Variants in GTF2H5 observed in about 807,000 individuals in gnomAD.
The protein encoded by GTF2H5 is general transcription factor IIH subunit 5, also known as TFB5 ortholog.
In GTF2H5, 5 loss-of-function variants were observed where a neutral mutation model predicts 7.1. The ratio of observed to expected loss-of-function variants is 0.71; its 90% CI spans 0.37 to 1.49. The LOEUF (loss-of-function observed/expected upper bound fraction) is 1.49, where lower values mean the gene tolerates loss of function less well. Among genes scored for constraint, GTF2H5 ranks in the 40% most tolerant of loss-of-function variants. The probability of loss-of-function intolerance (pLI) is 0.03; values close to 1 mark genes in which losing one functional copy is unlikely to be tolerated. For synonymous variants in GTF2H5, 30 were observed against 31.7 expected (o/e 0.95, Z 0.18); for missense variants, 80 against 83.0 (o/e 0.96, Z 0.14).
chr6:158,192,102 A>G lies in GTF2H5; in HGVS notation c.161A>G (p.Gln54Arg). The change falls in exon 3 of 3, where the codon CAG (glutamine) becomes CGG (arginine). Residue 54 changes from glutamine (Q) to arginine (R), a missense_variant. Physicochemically the swap from Gln to Arg is conservative, Grantham distance 43 (BLOSUM62 1). Transcript: ENST00000607778. ...FVIAELVNVLQERVGELMDQN... is the reference protein window; with the variant it reads ...FVIAELVNVLRERVGELMDQN... ...ATAGCAGAATTGGTTAATGTCCTCC[A>G]GGAGCGAGTGGGTGAATTAATGGAC... 1 of 1,613,960 alleles carries G rather than the reference A, an allele frequency of 6.2e-7. No homozygotes were observed. Among genetic ancestry groups the G allele is most frequent in the Non-Finnish European group, 8.5e-7 (1 of 1,179,962 alleles).
At chr6:158,168,501 G>C (rs1278947824) in intron 1 of GTF2H5, 106 bp downstream of exon 1, 1 of 152,354 alleles carries the variant, frequency 6.6e-6, no homozygotes, top group Non-Finnish European at 1.5e-5. Flanking sequence ...CCTGTCCACC[G>C]GGTGCTGGGG....
At chr6:158,190,928 G>A (rs766569410) in intron 2 of GTF2H5, 2 of 517,400 alleles carry the variant, frequency 3.9e-6, no homozygotes, top group African/African-American at 1.9e-5. Context: ...CTGTAAATCT[G>A]TACTGCCCGA....
intron 1 of GTF2H5, among the ~76,000 whole-genome samples, chr6:158,169,580 T>TATATTGTATATTAC (rs1785765216): frequency 2.1e-5 from 1 of 47,998 alleles, no homozygotes; most frequent in African/African-American, 9.5e-5. Context: ...TTGTATATTA[T>TATATTGTATATTAC]ATATAATATA....
intron 2 of GTF2H5, among the ~76,000 whole-genome samples, chr6:158,191,204 G>A (rs1777020058): frequency 6.6e-6 from 1 of 152,100 alleles, no homozygotes. Flanking sequence ...GTTGAATCCA[G>A]GTATGACTCT....
intron 2 of GTF2H5, among the ~76,000 whole-genome samples, chr6:158,184,500 C>G (rs1305486694): frequency 6.6e-6 from 1 of 152,112 alleles, no homozygotes; most frequent in African/African-American, 2.4e-5. Flanking sequence ...TTAATGTCTC[C>G]TATGGTGTCT....
In GTF2H5 at chr6:158,169,548, A is replaced by G. The variant is rs28856390; in HGVS notation, c.-34-922A>G. Among the ~76,000 whole-genome samples, 5 of 94,512 alleles carry G rather than the reference A, an allele frequency of 5.3e-5. No homozygotes were observed. In the South Asian group the frequency reaches 9.5e-4, roughly 18 times the overall value. 62.0% of individuals were successfully genotyped at this position (94,512 alleles called of 152,430 possible). A position where few individuals can be genotyped will look rare whatever the true frequency, so the allele number is the denominator to read the frequency against. ...ATATACAGTATATTATATATAATAT[A>G]CTGTATATTATATATAATATATTGT... On this transcript the variant is annotated intron_variant, in intron 1 of 2. Transcript: ENST00000607778.
intron 2 of GTF2H5, among the ~76,000 whole-genome samples, chr6:158,171,827 A>T (rs1785860353): frequency 6.6e-6 from 1 of 152,176 alleles, no homozygotes; most frequent in Non-Finnish European, 1.5e-5. Context: ...TACGTTGATG[A>T]GAGTAAACCA....
At chr6:158,173,471 C>G (rs1410294618) in intron 2 of GTF2H5, among the ~76,000 whole-genome samples, 1 of 152,114 alleles carries the variant, frequency 6.6e-6, no homozygotes, top group Non-Finnish European at 1.5e-5. Context: ...CCCTCATGTC[C>G]ATATTTGATG....
rs1554267172 is a variant in GTF2H5 at position 158,169,745 on chromosome 6, T to TTG, written c.-34-724_-34-723insGT. On this transcript the variant is annotated intron_variant, in intron 1 of 2. Transcript: ENST00000607778. ...TATATAATATATTGTATATTATATA[T>TTG]TATATAATATATTGTATATTATATA... 7.4e-5 allele frequency among the ~76,000 whole-genome samples: 4 copies of TTG among 54,038 alleles called. 1 individual carries two copies. The highest frequency in any genetic ancestry group is 1.4e-3 in the East Asian group (2 of 1,468). The allele number at this position is 54,038 out of a possible 152,430, so 35.5% of individuals were successfully genotyped here.
rs902912243 is a variant in GTF2H5 at position 158,197,751 on chromosome 6, G to C, written c.*5594G>C. On this transcript the variant is annotated 3_prime_UTR_variant, in exon 3 of 3. Coordinates refer to ENST00000607778, the MANE Select transcript of GTF2H5 (RefSeq NM_207118.3). ...CCTCTCATAAAGCAAGGGCAGTTTA[G>C]CTAGAATTTCTATCAAAAATCATTA... is the stretch of plus-strand genomic sequence containing the variant. 3 of 152,128 alleles carry C rather than the reference G, an allele frequency of 2.0e-5. No individual in the cohort carries two copies. Among genetic ancestry groups the C allele is most frequent in the Non-Finnish European group, 4.4e-5 (3 of 67,992 alleles). The allele number at this position is 152,128 out of a possible 1,614,324, so 9.4% of individuals were successfully genotyped here. A position where few individuals can be genotyped will look rare whatever the true frequency, so the allele number is the denominator to read the frequency against.
chr6:158,170,055 G>A (rs1043909338), intron 1 of GTF2H5, among the ~76,000 whole-genome samples: 6 of 151,722 alleles, frequency 4.0e-5, no homozygotes, highest in African/African-American at 1.5e-4. Flanking sequence ...GGAGGTGGTT[G>A]GGCTCACTGT....
rs1263847866 is a variant in GTF2H5, at chr6:158,198,100, T to TA, written c.*5946dup. The TA allele has an allele frequency of 2.0e-5, 3 of 152,220 alleles. No homozygotes were observed. Among genetic ancestry groups the TA allele is most frequent in the African/African-American group, 7.2e-5 (3 of 41,456 alleles). 9.4% of individuals were successfully genotyped at this position (152,220 alleles called of 1,614,324 possible). ...CCTTGAATCTAGAAGAGTACAATGA[T>TA]AAAGGGGAAGATAGAAACACACACA... is the stretch of plus-strand genomic sequence containing the variant. On this transcript the variant is annotated 3_prime_UTR_variant, in exon 3 of 3. Transcript: ENST00000607778.
At chr6:158,183,020 A>G (rs1021504092) in intron 2 of GTF2H5, among the ~76,000 whole-genome samples, 11 of 151,980 alleles carry the variant, frequency 7.2e-5, no homozygotes, top group African/African-American at 2.2e-4. Context: ...GGTTTTATCT[A>G]TCTTTGGTCT....
chr6:158,197,592 C>T lies in GTF2H5; in HGVS notation c.*5435C>T, dbSNP rs1246523702. On this transcript the variant is annotated 3_prime_UTR_variant, in exon 3 of 3. Coordinates refer to ENST00000607778, the MANE Select transcript of GTF2H5 (RefSeq NM_207118.3). ...ATCCTCAAGTCATTTTGCTTGTTGA[C>T]TTTTTGGAGGGCCAAATAAAGATAT... The T allele has an allele frequency of 6.6e-6, 1 of 152,088 alleles. No individual in the cohort carries two copies. The highest frequency in any genetic ancestry group is 1.5e-5 in the Non-Finnish European group (1 of 68,010). 9.4% of individuals were successfully genotyped at this position (152,088 alleles called of 1,614,324 possible).
chr6:158,173,045 G>C (rs139914142), intron 2 of GTF2H5, among the ~76,000 whole-genome samples: 1 of 152,144 alleles, frequency 6.6e-6, no homozygotes, highest in Non-Finnish European at 1.5e-5. Context: ...GAGCTTGTTA[G>C]AAATGCAAAA....
At position 158,170,545 on chromosome 6, in the gene GTF2H5, A is replaced by G; in HGVS notation, c.35+7A>G. ...AAGGAGTGCTTATAGAATGGTTAGTAGTTTTGATACTGCATGAGTTTTAAG... is the reference window on the plus strand; with the variant it reads ...AAGGAGTGCTTATAGAATGGTTAGTGGTTTTGATACTGCATGAGTTTTAAG... On this transcript the variant is annotated splice_region_variant and intron_variant, in intron 2 of 2. Transcript: ENST00000607778. 6.3e-7 allele frequency: 1 copy of G among 1,591,356 alleles called. No homozygotes were observed. Among genetic ancestry groups the G allele is most frequent in the Non-Finnish European group, 8.6e-7 (1 of 1,159,152 alleles).
At chr6:158,177,508 G>A (rs976953377) in intron 2 of GTF2H5, among the ~76,000 whole-genome samples, 1 of 152,200 alleles carries the variant, frequency 6.6e-6, no homozygotes, top group African/African-American at 2.4e-5. Context: ...TGACATCAGG[G>A]ATAAGGTATG....
chr6:158,188,170 T>C (rs1371397829), intron 2 of GTF2H5, among the ~76,000 whole-genome samples: 1 of 152,202 alleles, frequency 6.6e-6, no homozygotes, highest in Non-Finnish European at 1.5e-5. Context: ...ACCACGGTCA[T>C]ATGAGTCCTC....
chr6:158,169,739 T>TATATATTATATAATATATTGTATACA (rs1785804952), intron 1 of GTF2H5, among the ~76,000 whole-genome samples: 1 of 100,556 alleles, frequency 9.9e-6, no homozygotes, highest in African/African-American at 4.5e-5. Context: ...TATTGTATAT[T>TATATATTATATAATATATTGTATACA]ATATATTATA....
Sources: allele counts gnomAD v4.1 joint callset (sites outside exome capture counted in the v4.1 genomes callset), GRCh38; gene constraint gnomAD v4.1.1; transcripts MANE v1.5; gene names NCBI Gene and HGNC (gene_info 2026-07-23, HGNC 2026-07-21).